The following ATP10D variants were observed in gnomAD, a reference collection of about 807,000 sequenced individuals.
The protein encoded by ATP10D is ATPase phospholipid transporting 10D (putative), also known as phospholipid-transporting ATPase VD.
Under a neutral mutation model 144.8 loss-of-function variants are expected in ATP10D, and 89 were observed. The ratio of observed to expected loss-of-function variants is 0.61; its 90% CI spans 0.52 to 0.73. ATP10D has a LOEUF of 0.73. Among genes scored for constraint, ATP10D ranks in the 30% least tolerant of loss-of-function variants. ATP10D has a pLI of 0.00. For missense variants in ATP10D, 1,603 were observed against 1,714.8 expected (o/e 0.93, Z 1.15); for synonymous variants, 571 against 615.1 (o/e 0.93, Z 1.06).
rs1292313247 is a variant in ATP10D, at chr4:47,591,657, TC to T, written c.*277del. 8.3e-6 allele frequency: 2 copies of T among 239,892 alleles called. No individual in the cohort carries two copies. Among genetic ancestry groups the T allele is most frequent in the Admixed American group, 1.1e-4 (2 of 18,242 alleles). 14.9% of individuals were successfully genotyped at this position (239,892 alleles called of 1,614,324 possible). A position where few individuals can be genotyped will look rare whatever the true frequency, so the allele number is the denominator to read the frequency against. ...TTGGATTTTGTAAAAGCATTTTCAT[TC>T]TCTTAGAAATTCAAGTATTTTCAAG... On this transcript the variant is annotated 3_prime_UTR_variant, in exon 23 of 23. Transcript: ENST00000273859.
chr4:47,502,078 A>G (rs1181614058), intron 1 of ATP10D, among the ~76,000 whole-genome samples: 2 of 152,160 alleles, frequency 1.3e-5, no homozygotes, highest in Non-Finnish European at 2.9e-5. Flanking sequence ...ACATAGAGAA[A>G]CACATATACA....
intron 10 of ATP10D, among the ~76,000 whole-genome samples, chr4:47,553,491 AGT>A (rs1718828462): frequency 1.3e-5 from 2 of 152,218 alleles, no homozygotes; most frequent in African/African-American, 2.4e-5. Flanking sequence ...TCTGAAGGTG[AGT>A]GTGTCATTTG....
chr4:47,592,578 A>G lies in ATP10D; in HGVS notation c.*1197A>G, dbSNP rs1029275988. ...CCTGTTGAAGTTCTTTTGAAGTCCTATCTCTATTTATTATATTTGAAAGTT... is the reference window on the plus strand; with the variant it reads ...CCTGTTGAAGTTCTTTTGAAGTCCTGTCTCTATTTATTATATTTGAAAGTT... On this transcript the variant is annotated 3_prime_UTR_variant, in exon 23 of 23. Coordinates refer to ENST00000273859, the MANE Select transcript of ATP10D (RefSeq NM_020453.4). 2.0e-5 allele frequency: 3 copies of G among 152,464 alleles called. No individual in the cohort carries two copies. The highest frequency in any genetic ancestry group is 4.8e-5 in the African/African-American group (2 of 41,412). 9.4% of individuals were successfully genotyped at this position (152,464 alleles called of 1,614,324 possible). A position where few individuals can be genotyped will look rare whatever the true frequency, so the allele number is the denominator to read the frequency against.
At chr4:47,517,152 A>G (rs1055803778) in intron 3 of ATP10D, among the ~76,000 whole-genome samples, 2 of 152,170 alleles carry the variant, frequency 1.3e-5, no homozygotes, top group Admixed American at 6.5e-5. Flanking sequence ...AGTGGCTCAC[A>G]CGTGTAATCC....
intron 3 of ATP10D, among the ~76,000 whole-genome samples, chr4:47,517,435 A>C (rs1716747237): frequency 6.6e-6 from 1 of 152,330 alleles, no homozygotes; most frequent in South Asian, 2.1e-4. Flanking sequence ...AAATAATTAC[A>C]GATCTTAATT....
chr4:47,591,273 T>A lies in ATP10D; in HGVS notation c.4173T>A (p.Cys1391Ter), dbSNP rs777311172. ...AVFAMKSASSCAIEQGNLSLC... is the reference protein window; with the variant it reads ...AVFAMKSASS ...TTGCAATGAAGTCAGCAAGTTCCTG[T>A]GCTATTGAGCAAGGAAACTTATCTC... is the stretch of plus-strand genomic sequence containing the variant. Residue 1391 changes from cysteine to a stop codon, truncating the protein, a stop_gained, in exon 23 of 23, where the codon TGT (cysteine) becomes TGA (stop). Coordinates refer to ENST00000273859, the MANE Select transcript of ATP10D (RefSeq NM_020453.4). LOFTEE classifies it low-confidence loss of function (END_TRUNC). 34 of 1,613,464 alleles carry A rather than the reference T, an allele frequency of 2.1e-5. No homozygotes were observed. The Middle Eastern group carries it at 4.9e-4, about 23-fold the overall frequency.
At chr4:47,550,112 T>C (rs1463960339) in intron 10 of ATP10D, among the ~76,000 whole-genome samples, 2 of 151,978 alleles carry the variant, frequency 1.3e-5, no homozygotes, top group Non-Finnish European at 2.9e-5. Flanking sequence ...ATGAAAAACC[T>C]TGGGTAGAGG....
intron 9 of ATP10D, among the ~76,000 whole-genome samples, chr4:47,541,343 T>C (rs1049120772): frequency 9.9e-5 from 15 of 152,196 alleles, no homozygotes; most frequent in African/African-American, 3.6e-4. Context: ...TCATAAGATA[T>C]AAAGTCAGTG....
Position 47,572,787 on chromosome 4 carries a change from C to G in ATP10D, c.3241-85C>G. Reference sequence around the variant, plus strand: ...GGTCAGAAGAAGGTAGAATATGAGGCCTAGGGTTTCCCAAGAATTGTGCTG... The same window carrying G: ...GGTCAGAAGAAGGTAGAATATGAGGGCTAGGGTTTCCCAAGAATTGTGCTG... On this transcript the variant is annotated intron_variant, in intron 17 of 22. Transcript: ENST00000273859. 1.9e-6 allele frequency: 3 copies of G among 1,555,276 alleles called. No individual in the cohort carries two copies. In the Admixed American group the frequency reaches 5.1e-5, roughly 27 times the overall value.
intron 10 of ATP10D, among the ~76,000 whole-genome samples, chr4:47,549,554 G>T (rs990014639): frequency 1.1e-4 from 16 of 152,196 alleles, no homozygotes; most frequent in Non-Finnish European, 2.2e-4. Context: ...TTAATGGAAG[G>T]CATGGCACAA....
intron 9 of ATP10D, among the ~76,000 whole-genome samples, chr4:47,542,582 G>A (rs1032785151): frequency 6.6e-6 from 1 of 152,032 alleles, no homozygotes; most frequent in Non-Finnish European, 1.5e-5. Context: ...GGTTTAAGCA[G>A]CTCTCCTGCC....
chr4:47,516,568 G>A (rs2109404019), intron 3 of ATP10D, among the ~76,000 whole-genome samples: 1 of 152,296 alleles, frequency 6.6e-6, no homozygotes, highest in East Asian at 1.9e-4. Context: ...GAAAATGTTA[G>A]GAAAGGCTTC....
intron 9 of ATP10D, among the ~76,000 whole-genome samples, chr4:47,545,887 A>G (rs1053145156): frequency 1.3e-5 from 2 of 152,198 alleles, no homozygotes; most frequent in Non-Finnish European, 2.9e-5. Context: ...CAGTGAGGTC[A>G]TTTCAAAGAT....
chr4:47,588,925 G>A (rs143734731), intron 22 of ATP10D, among the ~76,000 whole-genome samples: 64 of 152,242 alleles, frequency 4.2e-4, no homozygotes, highest in African/African-American at 1.5e-3. Flanking sequence ...CCTAATCCCT[G>A]TAACCTGTAA....
Position 47,512,635 on chromosome 4 carries a change from C to T in ATP10D, c.95C>T (p.Ser32Leu), listed in dbSNP as rs199950421. 4.1e-5 allele frequency: 66 copies of T among 1,614,042 alleles called. No individual in the cohort carries two copies. Among genetic ancestry groups the T allele is most frequent in the Admixed American group, 3.2e-4 (19 of 59,996 alleles). The change falls in exon 2 of 23, where the codon TCG (serine) becomes TTG (leucine). Residue 32 changes from serine to leucine, a missense_variant. Transcript: ENST00000273859. Reference protein sequence around the residue: ...DDDSGPYNYSSLLACGRKSSQ... With the variant: ...DDDSGPYNYSLLLACGRKSSQ... The stretch of plus-strand genomic sequence containing the variant: ...GATTCAGGGCCATACAACTATTCCT[C>T]GTTGCTCGCCTGTGGGCGCAAGTCC...
chr4:47,540,803 C>T (rs1718097241), intron 9 of ATP10D, among the ~76,000 whole-genome samples: 1 of 152,102 alleles, frequency 6.6e-6, no homozygotes, highest in African/African-American at 2.4e-5. Context: ...GCATAACAGC[C>T]ATCATTTTGG....
intron 18 of ATP10D, among the ~76,000 whole-genome samples, chr4:47,574,949 C>T (rs145015340): frequency 5.1e-4 from 77 of 152,082 alleles, no homozygotes; most frequent in African/African-American, 1.2e-3. Flanking sequence ...TAAAGGCACG[C>T]GCCACCATAC....
At chr4:47,558,354 C>T (rs1278118643) in intron 12 of ATP10D, 81 bp downstream of exon 12, 7 of 1,508,496 alleles carry the variant, frequency 4.6e-6, no homozygotes, top group Non-Finnish European at 6.2e-6. Context: ...TTTATAAAGG[C>T]AAAGAAACAG....
chr4:47,515,442 T>A, intron 2 of ATP10D, 34 bp from the exon 3 acceptor site: 2 of 1,570,022 alleles, frequency 1.3e-6, no homozygotes, highest in Non-Finnish European at 1.7e-6. Context: ...TGAAGTAACT[T>A]CTTAACACCT....
Sources: gnomAD v4.1 joint callset for allele counts (sites outside exome capture counted in the v4.1 genomes callset) on GRCh38, gnomAD v4.1.1 for gene constraint, MANE v1.5 for transcripts, NCBI Gene and HGNC (gene_info 2026-07-23, HGNC 2026-07-21) for gene names.